The following CSGALNACT1 variants were observed in gnomAD, a reference collection of about 807,000 sequenced individuals.
The protein encoded by CSGALNACT1 is beta4GalNAcT-1.
A neutral mutation model predicts 51.0 loss-of-function variants in CSGALNACT1; 52 were observed. The observed-to-expected ratio is 1.02, with a 90% CI of 0.82 to 1.29. CSGALNACT1 has a LOEUF of 1.29. Ranked by LOEUF, CSGALNACT1 falls within the 50% of genes most tolerant of loss-of-function variation. CSGALNACT1 has a pLI of 0.00. For synonymous variants in CSGALNACT1, 341 were observed against 254.4 expected, an observed-to-expected ratio of 1.34 and a Z score of -3.24; for missense variants, 935 against 679.2, an observed-to-expected ratio of 1.38 and a Z score of -4.19.
chr8:19,484,607 G>A (rs1216860621), intron 4 of CSGALNACT1, among the ~76,000 whole-genome samples: 1 of 152,126 alleles, frequency 6.6e-6, no homozygotes. Context: ...CCTGGTTGCA[G>A]GACAGTGTAA....
chr8:19,551,812 A>G (rs1417495399), intron 3 of CSGALNACT1, among the ~76,000 whole-genome samples: 1 of 152,156 alleles, frequency 6.6e-6, no homozygotes, highest in Non-Finnish European at 1.5e-5. Flanking sequence ...GTCCCTAGGA[A>G]TTTATATCTT....
At chr8:19,675,125 T>TA (rs746087434) in intron 1 of CSGALNACT1, among the ~76,000 whole-genome samples, 2 of 152,120 alleles carry the variant, frequency 1.3e-5, no homozygotes, top group Non-Finnish European at 2.9e-5. Context: ...GCCAATAGGG[T>TA]ATTTAAAGTC....
intron 6 of CSGALNACT1, among the ~76,000 whole-genome samples, chr8:19,430,698 G>A (rs547611506): frequency 2.6e-5 from 4 of 152,074 alleles, no homozygotes; most frequent in Non-Finnish European, 5.9e-5. Flanking sequence ...ATTTCCACGT[G>A]AGTTTTAGAA....
At chr8:19,615,605 C>A (rs2052893507) in intron 1 of CSGALNACT1, among the ~76,000 whole-genome samples, 1 of 151,972 alleles carries the variant, frequency 6.6e-6, no homozygotes, top group South Asian at 2.1e-4. Flanking sequence ...AAAATTTTTC[C>A]AACTGGAAAA....
At chr8:19,477,020 T>C (rs2069864640) in intron 4 of CSGALNACT1, among the ~76,000 whole-genome samples, 1 of 152,174 alleles carries the variant, frequency 6.6e-6, no homozygotes, top group African/African-American at 2.4e-5. Context: ...ATGGTAATAA[T>C]AACTCACTAA....
chr8:19,481,711 C>T (rs1166829075), intron 4 of CSGALNACT1, among the ~76,000 whole-genome samples: 1 of 152,040 alleles, frequency 6.6e-6, no homozygotes, highest in Non-Finnish European at 1.5e-5. Flanking sequence ...GCTTTTCTAC[C>T]CGGGCCATAG....
intron 2 of CSGALNACT1, among the ~76,000 whole-genome samples, chr8:19,599,476 G>GAAAGAA (rs764414172): frequency 0.075 from 4,562 of 60,820 alleles, 85 homozygotes; most frequent in African/African-American, 0.12. Flanking sequence ...GAAAGAAAAA[G>GAAAGAA]AAAGAAAGAA....
chr8:19,634,047 G>A (rs968169492), intron 1 of CSGALNACT1, among the ~76,000 whole-genome samples: 4 of 152,152 alleles, frequency 2.6e-5, no homozygotes, highest in African/African-American at 9.7e-5. Context: ...AGCCCCTCCT[G>A]GGACTTGGGA....
At chr8:19,481,248 T>C (rs1275471334) in intron 4 of CSGALNACT1, among the ~76,000 whole-genome samples, 2 of 152,190 alleles carry the variant, frequency 1.3e-5, no homozygotes, top group Non-Finnish European at 2.9e-5. Flanking sequence ...CATCGACCTC[T>C]GTGCCCTGGG....
intron 4 of CSGALNACT1, among the ~76,000 whole-genome samples, chr8:19,478,428 A>C (rs1398033163): frequency 1.3e-5 from 2 of 151,606 alleles, no homozygotes; most frequent in Non-Finnish European, 2.9e-5. Context: ...AAAAAAAAAA[A>C]AAAAAAAAAA....
At chr8:19,510,852 G>A (rs535923852) in intron 3 of CSGALNACT1, among the ~76,000 whole-genome samples, 4 of 152,340 alleles carry the variant, frequency 2.6e-5, no homozygotes, top group African/African-American at 9.6e-5. Flanking sequence ...AACAAAGGCA[G>A]GTCAGGTTTG....
chr8:19,744,813 T>C (rs867192047), intron 1 of CSGALNACT1, among the ~76,000 whole-genome samples: 5 of 152,222 alleles, frequency 3.3e-5, no homozygotes, highest in African/African-American at 9.6e-5. Flanking sequence ...CATTTACTCT[T>C]TCCATACACC....
chr8:19,601,028 T>C (rs2050308807), intron 2 of CSGALNACT1, among the ~76,000 whole-genome samples: 1 of 152,178 alleles, frequency 6.6e-6, no homozygotes, highest in Non-Finnish European at 1.5e-5. Flanking sequence ...AGCTTCCTGT[T>C]TCATACCATC....
intron 3 of CSGALNACT1, among the ~76,000 whole-genome samples, chr8:19,575,830 G>A (rs926633133): frequency 6.6e-6 from 1 of 151,982 alleles, no homozygotes; most frequent in African/African-American, 2.4e-5. Context: ...AAGTAAGATT[G>A]GAAAAATGTT....
At chr8:19,505,504 T>G (rs774245192) in exon 4 of CSGALNACT1, 7 of 1,613,928 alleles carry the variant, frequency 4.3e-6, no homozygotes, top group Middle Eastern at 3.3e-4. Context: ...TCTGGGGGGC[T>G]CCTGTCCAGA....
exon 4 of CSGALNACT1, chr8:19,505,544 C>T: frequency 1.2e-6 from 2 of 1,613,932 alleles, no homozygotes; most frequent in South Asian, 1.1e-5. Flanking sequence ...TGGCTTGGTA[C>T]TGCCCATTCC....
At position 19,439,940 on chromosome 8, in the gene CSGALNACT1, C is replaced by G. The variant is rs774566988; in HGVS notation, c.852-9G>C. 19 of 1,608,448 alleles carry G rather than the reference C, an allele frequency of 1.2e-5. No individual in the cohort carries two copies. The South Asian group carries it at 1.2e-4, about 10-fold the overall frequency. On this transcript the variant is annotated splice_polypyrimidine_tract_variant and intron_variant, in intron 5 of 9. Coordinates refer to ENST00000454498, the Ensembl canonical transcript of CSGALNACT1. ...GCTCAATGCACATCTCCCTGGAAAA[C>G]AAAACACATGCATGTCTGGCACCTG...
intron 4 of CSGALNACT1, 53 bp from the exon 4 acceptor site, chr8:19,458,695 G>C (rs1400576738): frequency 1.4e-5 from 21 of 1,536,348 alleles, no homozygotes; most frequent in Non-Finnish European, 1.8e-5. Flanking sequence ...CTTGGCTGCT[G>C]AGTGTTTTTC....
intron 4 of CSGALNACT1, among the ~76,000 whole-genome samples, chr8:19,465,244 C>CA (rs947868134): frequency 1.3e-5 from 2 of 152,110 alleles, no homozygotes; most frequent in African/African-American, 4.8e-5. Flanking sequence ...GCGCCAGTCA[C>CA]AAAAAGACAA....
Sources: allele counts gnomAD v4.1 joint callset (sites outside exome capture counted in the v4.1 genomes callset), GRCh38; gene constraint gnomAD v4.1.1; transcripts MANE v1.5; gene names NCBI Gene and HGNC (gene_info 2026-07-23, HGNC 2026-07-21).